SRRM4: variants seen among roughly 807,000 people sequenced by gnomAD.
The protein encoded by SRRM4 is serine/arginine repetitive matrix 4, also known as serine/arginine repetitive matrix protein 4.
SRRM4 carries 33 observed loss-of-function variants against 68.9 expected under a neutral mutation model. The ratio of observed to expected loss-of-function variants is 0.48; its 90% CI spans 0.36 to 0.64. The LOEUF is 0.64. Among genes scored for constraint, SRRM4 ranks in the 30% least tolerant of loss-of-function variants. SRRM4 has a pLI of 0.00. For missense variants in SRRM4, 817 were observed against 827.1 expected, an observed-to-expected ratio of 0.99 and a Z score of 0.15; for synonymous variants, 318 against 318.8, an observed-to-expected ratio of 1.00 and a Z score of 0.03.
At chr12:119,041,698 G>A (rs1478389415) in intron 1 of SRRM4, among the ~76,000 whole-genome samples, 1 of 152,184 alleles carries the variant, frequency 6.6e-6, no homozygotes, top group African/African-American at 2.4e-5. Context: ...TGTGGACTGG[G>A]TACAAATGGA....
chr12:118,991,196 C>T (rs1199209820), intron 1 of SRRM4, among the ~76,000 whole-genome samples: 1 of 152,204 alleles, frequency 6.6e-6, no homozygotes, highest in Non-Finnish European at 1.5e-5. Context: ...GAGACCATTT[C>T]TAAAACACCA....
chr12:119,111,300 A>G (rs73213740), intron 2 of SRRM4, among the ~76,000 whole-genome samples: 5,999 of 152,296 alleles, frequency 0.039, 136 homozygotes, highest in African/African-American at 0.056. Context: ...AGTGTAGGGA[A>G]AAATAGGGGG....
intron 7 of SRRM4, among the ~76,000 whole-genome samples, chr12:119,128,356 G>A (rs181626579): frequency 6.6e-6 from 1 of 152,264 alleles, no homozygotes; most frequent in East Asian, 1.9e-4. Flanking sequence ...AAATAAGACT[G>A]ATGAAGACAC....
At chr12:119,098,237 T>A (rs1253252878) in intron 1 of SRRM4, among the ~76,000 whole-genome samples, 2 of 152,258 alleles carry the variant, frequency 1.3e-5, no homozygotes, top group African/African-American at 4.8e-5. Context: ...AACTATCTTA[T>A]GTGTCAAGGC....
chr12:119,148,812 A>G (rs1394964015), intron 9 of SRRM4, among the ~76,000 whole-genome samples: 12 of 152,248 alleles, frequency 7.9e-5, no homozygotes, highest in Admixed American at 6.5e-4. Context: ...TGAAATATAA[A>G]TGATGGTTGA....
At chr12:119,121,952 G>A in intron 5 of SRRM4, 118 bp from the exon 6 acceptor site, 1 of 702,324 alleles carries the variant, frequency 1.4e-6, no homozygotes, top group Non-Finnish European at 2.6e-6. Context: ...CTGAGGCAAT[G>A]ATCAGTGTCC....
At chr12:119,060,397 T>C (rs1036569722) in intron 1 of SRRM4, among the ~76,000 whole-genome samples, 2 of 149,260 alleles carry the variant, frequency 1.3e-5, no homozygotes, top group Non-Finnish European at 3.0e-5. Context: ...TTTTCACATG[T>C]ATCCATGTGA....
chr12:119,036,104 T>C (rs1315506033), intron 1 of SRRM4, among the ~76,000 whole-genome samples: 2 of 152,208 alleles, frequency 1.3e-5, no homozygotes, highest in African/African-American at 4.8e-5. Context: ...CAAGGAGTTT[T>C]GCCTGCATGG....
chr12:119,073,110 C>T (rs958037635), intron 1 of SRRM4, among the ~76,000 whole-genome samples: 5 of 150,284 alleles, frequency 3.3e-5, no homozygotes, highest in Admixed American at 6.6e-5. Flanking sequence ...AAAAATGTGA[C>T]GCTCTAAGGA....
intron 1 of SRRM4, among the ~76,000 whole-genome samples, chr12:119,062,700 T>C (rs1160940163): frequency 6.6e-6 from 1 of 152,230 alleles, no homozygotes; most frequent in Non-Finnish European, 1.5e-5. Context: ...TACCAAGATA[T>C]CACTAGGTGA....
chr12:119,040,182 CTTTTATTTTA>C lies in SRRM4; in HGVS notation c.131+58189_131+58198del, dbSNP rs57507061. Among the ~76,000 whole-genome samples, 739 of 151,464 alleles carry C rather than the reference CTTTTATTTTA, an allele frequency of 4.9e-3. 3 individuals carry two copies. The highest frequency in any genetic ancestry group is 0.023 in the South Asian group (107 of 4,750). On this transcript the variant is annotated intron_variant, in intron 1 of 12. Coordinates refer to ENST00000267260, the MANE Select transcript of SRRM4 (RefSeq NM_194286.4). ...GAACAATAATAATAATAGCAGCTACCTTTTATTTTATTTTATTTTATTTTATTTTTCCATA... is the reference window on the plus strand; with the variant it reads ...GAACAATAATAATAATAGCAGCTACCTTTTATTTTATTTTATTTTTCCATA...
At chr12:118,990,957 C>T (rs999392095) in intron 1 of SRRM4, among the ~76,000 whole-genome samples, 2 of 152,274 alleles carry the variant, frequency 1.3e-5, no homozygotes, top group Non-Finnish European at 2.9e-5. Context: ...GTACCCACCC[C>T]GCACCCAGCT....
chr12:119,054,084 C>T (rs1273738410), intron 1 of SRRM4, among the ~76,000 whole-genome samples: 2 of 152,158 alleles, frequency 1.3e-5, no homozygotes, highest in African/African-American at 4.8e-5. Context: ...TCTCTATGTC[C>T]ATGAGTTCAA....
intron 1 of SRRM4, among the ~76,000 whole-genome samples, chr12:119,093,828 A>G (rs569885757): frequency 1.2e-4 from 19 of 152,208 alleles, no homozygotes; most frequent in Non-Finnish European, 2.5e-4. Context: ...AGTCTCAACA[A>G]TCGAATCCAA....
intron 1 of SRRM4, among the ~76,000 whole-genome samples, chr12:119,020,559 AAT>A (rs1346096774): frequency 1.3e-5 from 2 of 152,168 alleles, no homozygotes; most frequent in Non-Finnish European, 2.9e-5. Context: ...CAAGGAATGA[AAT>A]CGTGAAAAGG....
At chr12:118,982,717 T>C (rs1291137776) in intron 1 of SRRM4, among the ~76,000 whole-genome samples, 1 of 150,348 alleles carries the variant, frequency 6.7e-6, no homozygotes, top group Admixed American at 6.6e-5. Context: ...CTGATTGCTT[T>C]GAACTCAGGG....
chr12:119,064,090 G>A (rs923304742), intron 1 of SRRM4, among the ~76,000 whole-genome samples: 3 of 152,088 alleles, frequency 2.0e-5, no homozygotes, highest in East Asian at 1.9e-4. Context: ...ATGGGAGCAG[G>A]GTGAGAGCAA....
chr12:119,036,977 G>A (rs1386602613), intron 1 of SRRM4: 1 of 152,230 alleles, frequency 6.6e-6, no homozygotes, highest in Non-Finnish European at 1.5e-5. Flanking sequence ...TCTGGGGAAA[G>A]AGGACACACA....
intron 1 of SRRM4, among the ~76,000 whole-genome samples, chr12:118,983,379 ACACC>A (rs1319315150): frequency 2.6e-5 from 4 of 152,144 alleles, no homozygotes; most frequent in Non-Finnish European, 5.9e-5. Flanking sequence ...GAAGGAGGGG[ACACC>A]CACCCACCCA....
Sources: gnomAD v4.1 joint callset for allele counts (sites outside exome capture counted in the v4.1 genomes callset) on GRCh38, gnomAD v4.1.1 for gene constraint, MANE v1.5 for transcripts, NCBI Gene and HGNC (gene_info 2026-07-23, HGNC 2026-07-21) for gene names.